TPMT: variants seen among roughly 807,000 people sequenced by gnomAD.
TPMT encodes the protein S-adenosyl-L-methionine:thiopurine S-methyltransferase.
In TPMT, 18 loss-of-function variants were observed where a neutral mutation model predicts 34.2. The observed-to-expected ratio is 0.53, with a 90% CI of 0.36 to 0.78. TPMT has a LOEUF of 0.78. Among genes scored for constraint, TPMT ranks in the 30% least tolerant of loss-of-function variants. The pLI is 0.00. For synonymous variants in TPMT, 69 were observed against 92.4 expected, an observed-to-expected ratio of 0.75 and a Z score of 1.45; for missense variants, 265 against 288.1, an observed-to-expected ratio of 0.92 and a Z score of 0.58.
chr6:18,130,499 A>T lies in TPMT; in HGVS notation c.*169T>A, dbSNP rs1783920508. On this transcript the variant is annotated 3_prime_UTR_variant, in exon 9 of 9. Coordinates refer to ENST00000309983, the MANE Select transcript of TPMT (RefSeq NM_000367.5). The surrounding 1 kb of genome is among the most constrained non-coding windows in gnomAD (Gnocchi z 4.2). Reference sequence around the variant, plus strand: ...TTTAGTTACATCTTTTTCTTCTAAAACTTTTTTAGAAAAAGTAAATGGCTT... The same window carrying T: ...TTTAGTTACATCTTTTTCTTCTAAATCTTTTTTAGAAAAAGTAAATGGCTT... The T allele has an allele frequency of 6.9e-6, 4 of 575,880 alleles. No homozygotes were observed. The highest frequency in any genetic ancestry group is 9.3e-6 in the Non-Finnish European group (3 of 321,078). 35.7% of individuals were successfully genotyped at this position (575,880 alleles called of 1,614,324 possible).
chr6:18,133,363 TAG>T (rs1345749904), intron 7 of TPMT, among the ~76,000 whole-genome samples: 5 of 152,186 alleles, frequency 3.3e-5, no homozygotes, highest in African/African-American at 4.8e-5. Flanking sequence ...GACAATAATT[TAG>T]AGTTTTTCCT....
rs1784085590 is a variant in TPMT at position 18,138,538 on chromosome 6, G to A, written c.494+425C>T. On this transcript the variant is annotated intron_variant, in intron 6 of 8. Transcript: ENST00000309983. This position sits in a 1 kb window ranked among gnomAD's most constrained non-coding sequence, Gnocchi z 4.1. ...CTGCTTTGGCCTCCCACAGTGCTGG[G>A]ATTACATGTATGATCCACCATACCC... Among the ~76,000 whole-genome samples, 1 of 152,136 alleles carries A rather than the reference G, an allele frequency of 6.6e-6. No individual in the cohort carries two copies. Among genetic ancestry groups the A allele is most frequent in the Middle Eastern group, 3.2e-3 (1 of 316 alleles).
intron 3 of TPMT, 114 bp downstream of exon 3, chr6:18,147,709 A>C (rs1368159661): frequency 1.1e-6 from 1 of 947,254 alleles, no homozygotes; most frequent in Non-Finnish European, 1.7e-6. Flanking sequence ...TAGAAAAATA[A>C]GGAATTTCTG....
rs1159287914 is a variant in TPMT, at chr6:18,140,666, A to G, written c.367-949T>C. Among the ~76,000 whole-genome samples, 1 of 152,164 alleles carries G rather than the reference A, an allele frequency of 6.6e-6. No homozygotes were observed. The highest frequency in any genetic ancestry group is 1.9e-4 in the East Asian group (1 of 5,182). On this transcript the variant is annotated intron_variant, in intron 4 of 8. Transcript: ENST00000309983. The surrounding 1 kb of genome is among the most constrained non-coding windows in gnomAD (Gnocchi z 4.7). ...GCCACTGCCCTCCAGCCTGTGTGAG[A>G]GTAAGACCCTGTCTCAAAAACAAAC...
chr6:18,144,728 AT>A (rs34488655), intron 3 of TPMT, among the ~76,000 whole-genome samples: 7 of 149,344 alleles, frequency 4.7e-5, no homozygotes, highest in Non-Finnish European at 7.4e-5. Context: ...CTCAAAAAAA[AT>A]TTTTTTTTTG....
Position 18,140,673 on chromosome 6 carries a change from C to A in TPMT, c.367-956G>T, listed in dbSNP as rs180789549. Among the ~76,000 whole-genome samples, 168 of 152,070 alleles carry A rather than the reference C, an allele frequency of 1.1e-3. No individual in the cohort carries two copies. Among genetic ancestry groups the A allele is most frequent in the African/African-American group, 3.7e-3 (154 of 41,450 alleles). On this transcript the variant is annotated intron_variant, in intron 4 of 8. Coordinates refer to ENST00000309983, the MANE Select transcript of TPMT (RefSeq NM_000367.5). The surrounding 1 kb of genome is among the most constrained non-coding windows in gnomAD (Gnocchi z 4.7). ...CCCTCCAGCCTGTGTGAGAGTAAGA[C>A]CCTGTCTCAAAAACAAACACTTGGA...
At position 18,139,642 on chromosome 6, in the gene TPMT, T is replaced by C. The variant is rs1344915545; in HGVS notation, c.419+23A>G. 1.5e-5 allele frequency: 24 copies of C among 1,605,010 alleles called. No homozygotes were observed. In the Admixed American group the frequency reaches 1.7e-4, roughly 11 times the overall value. On this transcript the variant is annotated intron_variant, in intron 5 of 8. Coordinates refer to ENST00000309983, the MANE Select transcript of TPMT (RefSeq NM_000367.5). The surrounding 1 kb of genome is among the most constrained non-coding windows in gnomAD (Gnocchi z 4.2). ...TGGCAAGCATTCAAATTTTTTAAAGTGCAGATGTAGTATTCAACCTACCTG... is the reference window on the plus strand; with the variant it reads ...TGGCAAGCATTCAAATTTTTTAAAGCGCAGATGTAGTATTCAACCTACCTG...
rs370069990 is a variant in TPMT at position 18,146,888 on chromosome 6, G to A, written c.233+935C>T. Among the ~76,000 whole-genome samples, 15 of 152,208 alleles carry A rather than the reference G, an allele frequency of 9.9e-5. No homozygotes were observed. The East Asian group carries it at 2.1e-3, about 22-fold the overall frequency. On this transcript the variant is annotated intron_variant, in intron 3 of 8. Transcript: ENST00000309983. The surrounding 1 kb of genome is among the most constrained non-coding windows in gnomAD (Gnocchi z 6.2). ...CCCAAAAAATGCATGCATACTCTGC[G>A]TTAGTCACCGATATTTATATTCAGA... is the stretch of plus-strand genomic sequence containing the variant.
At chr6:18,142,267 T>G (rs574390910) in intron 4 of TPMT, among the ~76,000 whole-genome samples, 1 of 152,100 alleles carries the variant, frequency 6.6e-6, no homozygotes, top group African/African-American at 2.4e-5. Flanking sequence ...GTCCTAAATT[T>G]TCCTGGCACA....
At chr6:18,152,600 T>TTTTTG (rs1429278564) in intron 1 of TPMT, among the ~76,000 whole-genome samples, 1 of 151,860 alleles carries the variant, frequency 6.6e-6, no homozygotes, top group Non-Finnish European at 1.5e-5. Context: ...TCTTTTTTTT[T>TTTTTG]TTTTTGAGAT....
In TPMT at chr6:18,128,705, CTTTCTTTTTTTTCT is replaced by C. The variant is rs1783873906; in HGVS notation, c.*1949_*1962del. 6.6e-6 allele frequency: 1 copy of C among 152,576 alleles called. No individual in the cohort carries two copies. Among genetic ancestry groups the C allele is most frequent in the South Asian group, 2.1e-4 (1 of 4,832 alleles). The allele number at this position is 152,576 out of a possible 1,614,324, so 9.5% of individuals were successfully genotyped here. A position where few individuals can be genotyped will look rare whatever the true frequency, so the allele number is the denominator to read the frequency against. ...ATTCCCCTTTCAGCAGTCAACTTGC[CTTTCTTTTTTTTCT>C]TTTCTTTTTCTTTCTTTTGAGACAG... On this transcript the variant is annotated 3_prime_UTR_variant, in exon 9 of 9. Transcript: ENST00000309983. The surrounding 1 kb of genome is among the most constrained non-coding windows in gnomAD (Gnocchi z 4.6).
At chr6:18,141,073 G>A (rs1784129412) in intron 4 of TPMT, among the ~76,000 whole-genome samples, 1 of 152,164 alleles carries the variant, frequency 6.6e-6, no homozygotes, top group Non-Finnish European at 1.5e-5. Flanking sequence ...GCTTTAAACA[G>A]TACTGATGCC....
Position 18,132,280 on chromosome 6 carries a change from C to T in TPMT, c.581-103G>A, listed in dbSNP as rs1359180686. 1.0e-5 allele frequency: 11 copies of T among 1,092,896 alleles called. No homozygotes were observed. The highest frequency in any genetic ancestry group is 1.4e-5 in the Non-Finnish European group (10 of 729,474). The allele number at this position is 1,092,896 out of a possible 1,614,324, so 67.7% of individuals were successfully genotyped here. On this transcript the variant is annotated intron_variant, in intron 7 of 8. Coordinates refer to ENST00000309983, the MANE Select transcript of TPMT (RefSeq NM_000367.5). The surrounding 1 kb of genome is among the most constrained non-coding windows in gnomAD (Gnocchi z 4.8). ...CAAATAGGTGATGATGTGGCATGTT[C>T]TTCTCATTCTTCTTTTGCAAATCTC...
chr6:18,134,496 T>C (rs1372320869), intron 6 of TPMT, among the ~76,000 whole-genome samples: 1 of 152,180 alleles, frequency 6.6e-6, no homozygotes, highest in Non-Finnish European at 1.5e-5. Context: ...GCTCTGCAAG[T>C]GTGGCATAAA....
rs376768623 is a variant in TPMT at position 18,149,157 on chromosome 6, A to T, written c.-30T>A. The T allele has an allele frequency of 8.1e-6, 13 of 1,613,890 alleles. No individual in the cohort carries two copies. The East Asian group carries it at 2.9e-4, about 36-fold the overall frequency. The stretch of plus-strand genomic sequence containing the variant: ...TCAGAGACACCTTTGTCTCACAAGC[A>T]TATGTCTTCCGTGCCTACGTGGAAA... On this transcript the variant is annotated 5_prime_UTR_variant, in exon 2 of 9. The change abolishes an upstream ATG in the 5' untranslated region. Coordinates refer to ENST00000309983, the MANE Select transcript of TPMT (RefSeq NM_000367.5). This position sits in a 1 kb window ranked among gnomAD's most constrained non-coding sequence, Gnocchi z 5.0.
chr6:18,137,122 AC>A (rs1784055988), intron 6 of TPMT, among the ~76,000 whole-genome samples: 1 of 67,854 alleles, frequency 1.5e-5, no homozygotes, highest in African/African-American at 5.9e-5. Context: ...GTGGAGCCTA[AC>A]CTGTTTTTTT....
intron 3 of TPMT, among the ~76,000 whole-genome samples, chr6:18,144,170 T>G (rs1367870512): frequency 6.6e-6 from 1 of 152,184 alleles, no homozygotes; most frequent in Admixed American, 6.5e-5. Context: ...TCCTCGTGAT[T>G]GAGGAACTGA....
chr6:18,148,999 T>C lies in TPMT; in HGVS notation c.129A>G (p.Glu43=), dbSNP rs200148021. 1.2e-6 allele frequency: 2 copies of C among 1,613,734 alleles called. No homozygotes were observed. The highest frequency in any genetic ancestry group is 2.2e-5 in the East Asian group (1 of 44,884). ...CAAATATTTCTTACTGATGTCCTTG[T>C]TCCTGATGAAAAGCAGTCTTGCCGT... The part of the protein sequence containing the change: ...WVNGKTAFHQ[E]QGHQLLKKHL... Residue 43 remains glutamate, a synonymous_variant, in exon 2 of 9, where the codon GAA becomes GAG. Coordinates refer to ENST00000309983, the MANE Select transcript of TPMT (RefSeq NM_000367.5). The surrounding 1 kb of genome is among the most constrained non-coding windows in gnomAD (Gnocchi z 4.1).
intron 3 of TPMT, among the ~76,000 whole-genome samples, chr6:18,144,157 G>T (rs1024148241): frequency 6.6e-6 from 1 of 152,018 alleles, no homozygotes; most frequent in Non-Finnish European, 1.5e-5. Flanking sequence ...TAGCCACATT[G>T]GTTCCTCGTG....
Sources: allele counts gnomAD v4.1 joint callset (sites outside exome capture counted in the v4.1 genomes callset), GRCh38; gene constraint gnomAD v4.1.1; non-coding constraint Gnocchi (gnomAD v3.1); transcripts MANE v1.5; gene names NCBI Gene and HGNC (gene_info 2026-07-23, HGNC 2026-07-21).